Variants in COG5 observed in about 807,000 individuals in gnomAD.
COG5 encodes component of oligomeric golgi complex 5, also known as conserved oligomeric Golgi complex subunit 5.
COG5 carries 86 observed loss-of-function variants against 110.4 expected under a neutral mutation model. The observed-to-expected ratio is 0.78, with a 90% CI of 0.65 to 0.93. COG5 has a LOEUF of 0.93. Among genes scored for constraint, COG5 ranks in the 40% least tolerant of loss-of-function variants. The pLI, the probability that COG5 is intolerant of heterozygous loss-of-function variation, is 0.00. For synonymous variants in COG5, 360 were observed against 334.6 expected, an observed-to-expected ratio of 1.08 and a Z score of -0.83; for missense variants, 1,077 against 987.0, an observed-to-expected ratio of 1.09 and a Z score of -1.22.
At chr7:107,338,032 G>A (rs1314977326) in intron 10 of COG5, among the ~76,000 whole-genome samples, 1 of 151,972 alleles carries the variant, frequency 6.6e-6, no homozygotes, top group Non-Finnish European at 1.5e-5. Flanking sequence ...ACTGAACAAT[G>A]GGCTGCCATC....
At chr7:107,337,993 A>AT (rs1424298337) in intron 10 of COG5, among the ~76,000 whole-genome samples, 1 of 152,194 alleles carries the variant, frequency 6.6e-6, no homozygotes, top group Non-Finnish European at 1.5e-5. Flanking sequence ...CCACTTCAGC[A>AT]TTAAAGCTGC....
In COG5 at chr7:107,215,726, CTT is replaced by C. The variant is rs113400420; in HGVS notation, c.2169-4503_2169-4502del. Among the ~76,000 whole-genome samples, 24 of 146,650 alleles carry C rather than the reference CTT, an allele frequency of 1.6e-4. 1 individual carries two copies. Among genetic ancestry groups the C allele is most frequent in the Non-Finnish European group, 3.6e-4 (24 of 66,268 alleles). On this transcript the variant is annotated intron_variant, in intron 19 of 21. Transcript: ENST00000297135. ...TGCCTACAAAAGAGTCAACTCACTTCTTTTTTTTTTTTGAGACGGAGTCTTGC... is the reference window on the plus strand; with the variant it reads ...TGCCTACAAAAGAGTCAACTCACTTCTTTTTTTTTTGAGACGGAGTCTTGC...
chr7:107,498,500 A>G (rs529025143), intron 6 of COG5, among the ~76,000 whole-genome samples: 1 of 152,312 alleles, frequency 6.6e-6, no homozygotes, highest in South Asian at 2.1e-4. Context: ...ACATACAAAT[A>G]GCCAACAAGT....
At chr7:107,464,250 T>C (rs552452723) in intron 6 of COG5, among the ~76,000 whole-genome samples, 20 of 152,342 alleles carry the variant, frequency 1.3e-4, no homozygotes, top group African/African-American at 4.1e-4. Context: ...TCCTCATTGC[T>C]GACATCTTTT....
At chr7:107,390,062 A>G (rs1216091063) in intron 7 of COG5, among the ~76,000 whole-genome samples, 3 of 152,298 alleles carry the variant, frequency 2.0e-5, no homozygotes, top group South Asian at 4.1e-4. Context: ...ATATTACAAT[A>G]TATCTGTTCG....
At chr7:107,519,320 C>T (rs963684074) in intron 6 of COG5, among the ~76,000 whole-genome samples, 2 of 151,746 alleles carry the variant, frequency 1.3e-5, no homozygotes, top group African/African-American at 4.8e-5. Flanking sequence ...CTGAAGGAGA[C>T]ACAGACACGA....
At chr7:107,335,075 A>T (rs970216264) in intron 10 of COG5, among the ~76,000 whole-genome samples, 3 of 152,238 alleles carry the variant, frequency 2.0e-5, no homozygotes, top group African/African-American at 7.2e-5. Context: ...AATTGACCAA[A>T]CAAAAAGTCA....
chr7:107,563,572 A>T, intron 1 of COG5: 9 of 450,698 alleles, frequency 2.0e-5, no homozygotes, highest in Non-Finnish European at 2.8e-5. Context: ...AGTTGAAATG[A>T]GGAACACACA....
At chr7:107,404,885 G>GAAAAAAAAAAAAAAAAAAAAAAAA (rs59988899) in intron 7 of COG5, among the ~76,000 whole-genome samples, 1 of 32,408 alleles carries the variant, frequency 3.1e-5, no homozygotes, top group Non-Finnish European at 7.1e-5. Flanking sequence ...TTCAGAAGAT[G>GAAAAAAAAAAAAAAAAAAAAAAAA]AAAAAAAAAA....
intron 11 of COG5, among the ~76,000 whole-genome samples, chr7:107,298,595 T>C (rs1017722429): frequency 5.9e-5 from 9 of 152,166 alleles, no homozygotes; most frequent in African/African-American, 2.2e-4. Context: ...ACAATTGTAG[T>C]TGAAGATTTC....
At chr7:107,556,793 G>A (rs907937295) in intron 2 of COG5, among the ~76,000 whole-genome samples, 5 of 149,608 alleles carry the variant, frequency 3.3e-5, no homozygotes, top group African/African-American at 4.9e-5. Context: ...TTTTTGAGAC[G>A]GAGTCTTGCT....
intron 16 of COG5, 84 bp downstream of exon 16, chr7:107,256,648 A>T (rs1802900900): frequency 1.2e-6 from 1 of 845,664 alleles, no homozygotes; most frequent in Non-Finnish European, 2.0e-6. Flanking sequence ...CTGAATTATT[A>T]TAAAATGTGA....
At chr7:107,295,081 ATATATATATATATATATATATTT>A (rs1364137645) in intron 12 of COG5, among the ~76,000 whole-genome samples, 2 of 61,858 alleles carry the variant, frequency 3.2e-5, no homozygotes, top group African/African-American at 7.4e-5. Flanking sequence ...ATATATATAT[ATATATATATATATATATATATTT>A]TTTTTTTTTT....
chr7:107,439,166 G>C (rs1794554032), intron 6 of COG5, among the ~76,000 whole-genome samples: 1 of 152,008 alleles, frequency 6.6e-6, no homozygotes, highest in Non-Finnish European at 1.5e-5. Context: ...GCCTCATCAA[G>C]GACATTCTTC....
intron 7 of COG5, among the ~76,000 whole-genome samples, chr7:107,408,647 T>C (rs759585231): frequency 5.9e-5 from 9 of 152,228 alleles, no homozygotes; most frequent in South Asian, 2.1e-4. Context: ...AGCTTGGTCA[T>C]AGAGTGTTTG....
intron 2 of COG5, among the ~76,000 whole-genome samples, chr7:107,556,572 T>C (rs1040965872): frequency 4.6e-5 from 7 of 152,220 alleles, no homozygotes; most frequent in African/African-American, 1.4e-4. Context: ...CTGAGAACTC[T>C]AGACAAAACT....
intron 11 of COG5, among the ~76,000 whole-genome samples, chr7:107,311,191 G>A (rs1374571003): frequency 1.3e-5 from 2 of 152,140 alleles, no homozygotes; most frequent in East Asian, 3.9e-4. Flanking sequence ...ACTCACAAAT[G>A]CCCCTCCATA....
At chr7:107,210,432 A>G (rs2116192043) in intron 21 of COG5, 94 bp downstream of exon 21, 1 of 1,529,930 alleles carries the variant, frequency 6.5e-7, no homozygotes, top group East Asian at 2.5e-5. Context: ...TCACATGTCC[A>G]TGCCCCCAGG....
intron 6 of COG5, among the ~76,000 whole-genome samples, chr7:107,482,557 T>C (rs1014287581): frequency 6.6e-6 from 1 of 152,118 alleles, no homozygotes; most frequent in South Asian, 2.1e-4. Flanking sequence ...AGGTAATAAA[T>C]GAAAAGGCAC....
Sources: gnomAD v4.1 joint callset for allele counts (sites outside exome capture counted in the v4.1 genomes callset) on GRCh38, gnomAD v4.1.1 for gene constraint, MANE v1.5 for transcripts, NCBI Gene and HGNC (gene_info 2026-07-23, HGNC 2026-07-21) for gene names.